LRBA: variants seen among roughly 807,000 people sequenced by gnomAD.
LRBA encodes lipopolysaccharide-responsive and beige-like anchor protein.
In LRBA, 176 loss-of-function variants were observed where a neutral mutation model predicts 330.0. The ratio of observed to expected loss-of-function variants is 0.53; its 90% CI spans 0.47 to 0.60. The LOEUF is 0.60. Among genes scored for constraint, LRBA ranks in the 20% least tolerant of loss-of-function variants. LRBA has a pLI of 0.00. For synonymous variants in LRBA, 1,230 were observed against 1,193.0 expected (o/e 1.03, Z -0.64); for missense variants, 3,259 against 3,444.8 (o/e 0.95, Z 1.35).
intron 51 of LRBA, 31 bp downstream of exon 51, chr4:150,315,530 T>C: frequency 6.3e-7 from 1 of 1,583,816 alleles, no homozygotes; most frequent in Admixed American, 1.7e-5. Context: ...CAGAGCTTAA[T>C]GAATCGCAAA....
At chr4:150,448,755 TCATGCCCTTGCA>T (rs1295571898) in intron 44 of LRBA, among the ~76,000 whole-genome samples, 1 of 118,086 alleles carries the variant, frequency 8.5e-6, no homozygotes, top group East Asian at 2.8e-4. Context: ...TGAGCCAAGA[TCATGCCCTTGCA>T]CTCCAGTCTG....
chr4:150,827,893 C>T (rs1448650918), intron 30 of LRBA, among the ~76,000 whole-genome samples: 1 of 152,140 alleles, frequency 6.6e-6, no homozygotes, highest in Non-Finnish European at 1.5e-5. Flanking sequence ...TGAGCCACTG[C>T]ACCTGGCCTT....
At chr4:150,970,582 CACACAA>C (rs1253251157) in intron 2 of LRBA, 3 of 141,180 alleles carry the variant, frequency 2.1e-5, no homozygotes, top group East Asian at 4.2e-4. Flanking sequence ...CACACACACA[CACACAA>C]AAGTATACTG....
chr4:150,618,848 G>GTATATATATA (rs34589903), intron 37 of LRBA, among the ~76,000 whole-genome samples: 263 of 146,248 alleles, frequency 1.8e-3, no homozygotes, highest in African/African-American at 6.1e-3. Flanking sequence ...ATGTGTGTAT[G>GTATATATATA]TATATATATA....
At chr4:150,443,765 G>T (rs1283793521) in intron 44 of LRBA, among the ~76,000 whole-genome samples, 1 of 150,246 alleles carries the variant, frequency 6.7e-6, no homozygotes, top group Non-Finnish European at 1.5e-5. Flanking sequence ...GTTAATGGGT[G>T]CAGCACACCA....
intron 40 of LRBA, among the ~76,000 whole-genome samples, chr4:150,571,350 C>G (rs2152283975): frequency 6.6e-6 from 1 of 151,994 alleles, no homozygotes. Flanking sequence ...GATTAATAAA[C>G]AGAAGAAAAA....
At chr4:150,985,472 T>C (rs1741344726) in intron 2 of LRBA, among the ~76,000 whole-genome samples, 1 of 151,278 alleles carries the variant, frequency 6.6e-6, no homozygotes, top group South Asian at 2.1e-4. Context: ...GGTTGAAATC[T>C]AGAATTGCAC....
chr4:150,969,173 C>T (rs1463078789), intron 2 of LRBA, among the ~76,000 whole-genome samples: 6 of 152,168 alleles, frequency 3.9e-5, no homozygotes, highest in African/African-American at 7.2e-5. Flanking sequence ...ACGTTGTTTT[C>T]GTGCCTGTTA....
intron 34 of LRBA, among the ~76,000 whole-genome samples, chr4:150,783,742 T>C (rs1262215754): frequency 6.6e-6 from 1 of 152,182 alleles, no homozygotes; most frequent in Non-Finnish European, 1.5e-5. Context: ...TCACACAGTT[T>C]GGGGTTTCTG....
At chr4:150,430,884 G>A (rs1344346119) in intron 46 of LRBA, among the ~76,000 whole-genome samples, 1 of 152,004 alleles carries the variant, frequency 6.6e-6, no homozygotes, top group Non-Finnish European at 1.5e-5. Context: ...TTCTACAGGA[G>A]AGAAAGAAAA....
chr4:150,721,228 T>G, intron 36 of LRBA: 1 of 430,686 alleles, frequency 2.3e-6, no homozygotes, highest in South Asian at 2.4e-5. Flanking sequence ...ACCCAAGAAG[T>G]TTCTACTTTT....
intron 31 of LRBA, 134 bp downstream of exon 31, chr4:150,816,990 T>C: frequency 4.4e-6 from 3 of 686,976 alleles, no homozygotes; most frequent in Non-Finnish European, 7.4e-6. Context: ...TTCAGAAAAG[T>C]AGTAAACAAT....
chr4:150,982,436 T>C (rs1278040425), intron 2 of LRBA, among the ~76,000 whole-genome samples: 1 of 152,186 alleles, frequency 6.6e-6, no homozygotes, highest in Non-Finnish European at 1.5e-5. Flanking sequence ...TAGGTGATCA[T>C]CCAAAATAAA....
At chr4:150,490,367 G>T (rs1758760992) in intron 41 of LRBA, among the ~76,000 whole-genome samples, 1 of 151,656 alleles carries the variant, frequency 6.6e-6, no homozygotes, top group Non-Finnish European at 1.5e-5. Context: ...AGTTCAACTT[G>T]TCTCCCCTTC....
chr4:150,910,242 G>A (rs1028632902), intron 9 of LRBA, among the ~76,000 whole-genome samples: 1 of 152,040 alleles, frequency 6.6e-6, no homozygotes, highest in Non-Finnish European at 1.5e-5. Flanking sequence ...ATTCAATGTC[G>A]TAAAGCTTTT....
intron 50 of LRBA, among the ~76,000 whole-genome samples, chr4:150,318,341 T>C (rs1732000838): frequency 6.6e-6 from 1 of 152,186 alleles, no homozygotes; most frequent in Non-Finnish European, 1.5e-5. Flanking sequence ...TTAAAGATTA[T>C]TTATTTTCTA....
At chr4:150,466,861 C>T (rs1165219670) in intron 44 of LRBA, among the ~76,000 whole-genome samples, 1 of 151,924 alleles carries the variant, frequency 6.6e-6, no homozygotes, top group Non-Finnish European at 1.5e-5. Flanking sequence ...TCCTAGCACC[C>T]TCTAAAAAAG....
intron 36 of LRBA, among the ~76,000 whole-genome samples, chr4:150,711,329 A>G (rs1786184182): frequency 6.6e-6 from 1 of 151,686 alleles, no homozygotes; most frequent in Admixed American, 6.6e-5. Context: ...TCCACCTCCC[A>G]GGTTCAAACA....
intron 47 of LRBA, among the ~76,000 whole-genome samples, chr4:150,374,949 T>C (rs1741019781): frequency 6.6e-6 from 1 of 152,100 alleles, no homozygotes; most frequent in African/African-American, 2.4e-5. Context: ...GAAGACATAA[T>C]CAGATGAAAA....
Sources: gnomAD v4.1 joint callset for allele counts (sites outside exome capture counted in the v4.1 genomes callset) on GRCh38, gnomAD v4.1.1 for gene constraint, MANE v1.5 for transcripts, NCBI Gene and HGNC (gene_info 2026-07-23, HGNC 2026-07-21) for gene names.